KCNH1: variants seen among roughly 807,000 people sequenced by gnomAD.
The protein encoded by KCNH1 is voltage-gated delayed rectifier potassium channel KCNH1.
In KCNH1, 27 loss-of-function variants were observed where a neutral mutation model predicts 69.2. The observed-to-expected ratio is 0.39, with a 90% confidence interval of 0.29 to 0.54. The LOEUF is 0.54. KCNH1 is among the 20% of genes least tolerant of loss of function. The pLI, the probability that KCNH1 is intolerant of heterozygous loss-of-function variation, is 0.68. For missense variants in KCNH1, 798 were observed against 1,261.6 expected, an observed-to-expected ratio of 0.63 and a Z score of 5.57; for synonymous variants, 456 against 487.7, an observed-to-expected ratio of 0.93 and a Z score of 0.86.
intron 7 of KCNH1, among the ~76,000 whole-genome samples, chr1:210,886,551 C>A (rs1686609447): frequency 6.6e-6 from 1 of 151,966 alleles, no homozygotes; most frequent in South Asian, 2.1e-4. Flanking sequence ...ATGAATTTGA[C>A]AAATTGACAG....
Position 211,082,791 on chromosome 1 carries a change from G to A in KCNH1, c.547C>T (p.Arg183Cys), listed in dbSNP as rs777524620. Residue 183 changes from arginine (R) to cysteine (C), a missense_variant, in exon 5 of 11, where the codon CGC (arginine) becomes TGC (cysteine). By Grantham distance (180) the Arg-to-Cys change is radical. Transcript: ENST00000271751. ...CCCTTTGCCCTTACCTCTGCCAGGC[G>A]GGAGTGCTTGTGGACATTCTCGCCT... ...QKGENVHKHS[R>C]LAEVLQLGSD... 3.8e-5 allele frequency: 61 copies of A among 1,613,490 alleles called. No individual in the cohort carries two copies. Among genetic ancestry groups the A allele is most frequent in the Non-Finnish European group, 4.9e-5 (58 of 1,179,612 alleles).
chr1:210,694,006 C>G (rs1313761507), intron 10 of KCNH1, among the ~76,000 whole-genome samples: 2 of 152,190 alleles, frequency 1.3e-5, no homozygotes, highest in African/African-American at 4.8e-5. Context: ...CCAGGAGATT[C>G]TACTCTGATC....
At chr1:211,088,721 A>T (rs1052065909) in intron 4 of KCNH1, among the ~76,000 whole-genome samples, 1 of 152,196 alleles carries the variant, frequency 6.6e-6, no homozygotes, top group Non-Finnish European at 1.5e-5. Context: ...TTTATGAATC[A>T]AGCCACAAGT....
At chr1:211,018,133 C>A (rs1689525409) in intron 6 of KCNH1, among the ~76,000 whole-genome samples, 1 of 152,140 alleles carries the variant, frequency 6.6e-6, no homozygotes, top group Admixed American at 6.6e-5. Flanking sequence ...GGTCCTAAAT[C>A]TTCCAGCCAT....
chr1:210,768,212 T>G (rs1169163778), intron 10 of KCNH1, among the ~76,000 whole-genome samples: 1 of 152,232 alleles, frequency 6.6e-6, no homozygotes, highest in Non-Finnish European at 1.5e-5. Context: ...ATCATTATCA[T>G]CGTCTTCTTT....
In KCNH1 at chr1:211,018,832, A is replaced by G. The variant is rs1299026964; in HGVS notation, c.983T>C (p.Ile328Thr). 3.1e-6 allele frequency: 5 copies of G among 1,613,582 alleles called. No homozygotes were observed. In the South Asian group the frequency reaches 3.3e-5, roughly 11 times the overall value. Residue 328 changes from isoleucine (I) to threonine (T), a missense_variant, in exon 6 of 11, where the codon ATT (isoleucine) becomes ACT (threonine). This residue lies in a region of KCNH1 where 266 missense variants were observed against 457.2 expected (regional missense o/e 0.58). Transcript: ENST00000271751. ...VSAFMGDPGK[I>T]GFADQIPPPL... ...TGGTGGAATCTGATCAGCAAAACCA[A>G]TCTTCCCTGGATCACCCATAAAGGC...
chr1:210,865,482 G>A (rs1686087694), intron 7 of KCNH1, among the ~76,000 whole-genome samples: 1 of 151,972 alleles, frequency 6.6e-6, no homozygotes, highest in African/African-American at 2.4e-5. Flanking sequence ...CAAACTAAAT[G>A]ATCTTGGTTC....
At chr1:210,700,251 G>A (rs886343451) in intron 10 of KCNH1, among the ~76,000 whole-genome samples, 2 of 152,314 alleles carry the variant, frequency 1.3e-5, no homozygotes, top group Middle Eastern at 3.4e-3. Flanking sequence ...ACTGAGCAGG[G>A]AATGAAACAC....
intron 9 of KCNH1, among the ~76,000 whole-genome samples, chr1:210,796,862 T>C (rs751889651): frequency 2.0e-5 from 3 of 152,150 alleles, no homozygotes; most frequent in Non-Finnish European, 2.9e-5. Context: ...ACTGTCATCT[T>C]TCTAAAGTAC....
At position 210,775,209 on chromosome 1, in the gene KCNH1, G is replaced by A. The variant is rs562253731; in HGVS notation, c.2112+139C>T. 8.2e-4 allele frequency: 573 copies of A among 697,928 alleles called. 9 individuals are homozygous for A. In the South Asian group the frequency reaches 0.011, roughly 13 times the overall value. The allele number at this position is 697,928 out of a possible 1,614,324, so 43.2% of individuals were successfully genotyped here. A position where few individuals can be genotyped will look rare whatever the true frequency, so the allele number is the denominator to read the frequency against. ...TCCATTTTATAGCAAAAGCCCCGCA[G>A]AGCAAACAACAAACAGATCCTCTTT... On this transcript the variant is annotated intron_variant, in intron 10 of 10. Coordinates refer to ENST00000271751, the MANE Select transcript of KCNH1 (RefSeq NM_172362.3).
chr1:211,068,108 C>T (rs6540656), intron 5 of KCNH1, among the ~76,000 whole-genome samples: 58,467 of 152,056 alleles, frequency 0.38, 11,885 homozygotes, highest in South Asian at 0.46. Flanking sequence ...ACAACATGTG[C>T]AATCTATTTA....
At position 211,111,614 on chromosome 1, in the gene KCNH1, C is replaced by T. The variant is rs1309588092; in HGVS notation, c.80-4237G>A. Among the ~76,000 whole-genome samples, 5 of 143,590 alleles carry T rather than the reference C, an allele frequency of 3.5e-5. No individual in the cohort carries two copies. The East Asian group carries it at 8.7e-4, about 25-fold the overall frequency. 94.2% of individuals were successfully genotyped at this position (143,590 alleles called of 152,430 possible). On this transcript the variant is annotated intron_variant, in intron 1 of 10. Transcript: ENST00000271751. ...CACCTCACTGTCTGGGAAGTTGGAG[C>T]GCCTCTGCCCGGCCCCCGCCCCGTC...
chr1:210,735,655 A>G (rs2149033869), intron 10 of KCNH1, among the ~76,000 whole-genome samples: 1 of 152,108 alleles, frequency 6.6e-6, no homozygotes, highest in East Asian at 1.9e-4. Flanking sequence ...AAGTTTCTAT[A>G]TGTTGATCAC....
intron 7 of KCNH1, among the ~76,000 whole-genome samples, chr1:210,895,162 C>CT (rs35601819): frequency 0.19 from 26,654 of 139,192 alleles, 2,889 homozygotes; most frequent in East Asian, 0.46. Context: ...CTTTTGTTTC[C>CT]TTTTTTTTTT....
chr1:210,703,598 A>ATAT (rs1681834456), intron 10 of KCNH1, among the ~76,000 whole-genome samples: 1 of 152,226 alleles, frequency 6.6e-6, no homozygotes. Context: ...TTATTAACAT[A>ATAT]TATTTGCTTG....
chr1:210,863,806 A>G (rs932139095), intron 7 of KCNH1, among the ~76,000 whole-genome samples: 1 of 152,182 alleles, frequency 6.6e-6, no homozygotes, highest in Admixed American at 6.5e-5. Context: ...TCTATGCTAA[A>G]CTTGTTCACC....
chr1:210,686,592 G>C (rs1239118559), intron 10 of KCNH1, among the ~76,000 whole-genome samples: 1 of 152,230 alleles, frequency 6.6e-6, no homozygotes, highest in Admixed American at 6.5e-5. Context: ...ATGCAGAAAA[G>C]GGGAAGGAGA....
intron 5 of KCNH1, among the ~76,000 whole-genome samples, chr1:211,074,097 T>TAAAAA (rs59971801): frequency 5.6e-4 from 67 of 119,718 alleles, no homozygotes; most frequent in African/African-American, 2.0e-3. Flanking sequence ...TTCCACCAAT[T>TAAAAA]AAAAAAAAAA....
intron 7 of KCNH1, among the ~76,000 whole-genome samples, chr1:210,885,080 GC>G (rs1161756216): frequency 1.3e-5 from 2 of 152,196 alleles, no homozygotes; most frequent in African/African-American, 2.4e-5. Flanking sequence ...AAGGACTGAG[GC>G]CAAGAATAGA....
Sources: gnomAD v4.1 joint callset for allele counts (sites outside exome capture counted in the v4.1 genomes callset) on GRCh38, gnomAD v4.1.1 for gene constraint, gnomAD v4.1.1 regional missense constraint, MANE v1.5 for transcripts, NCBI Gene and HGNC (gene_info 2026-07-23, HGNC 2026-07-21) for gene names.